DOCK5: variants seen among roughly 807,000 people sequenced by gnomAD.
The protein encoded by DOCK5 is dedicator of cytokinesis 5, also known as dedicator of cytokinesis protein 5.
Under a neutral mutation model 251.8 loss-of-function variants are expected in DOCK5, and 142 were observed. The observed-to-expected ratio is 0.56, with a 90% CI of 0.49 to 0.65. DOCK5 has a LOEUF of 0.65. DOCK5 is among the 30% of genes least tolerant of loss of function. The probability of loss-of-function intolerance (pLI) is 0.00; values close to 1 mark genes in which losing one functional copy is unlikely to be tolerated. For synonymous variants in DOCK5, 842 were observed against 835.5 expected, an observed-to-expected ratio of 1.01 and a Z score of -0.13; for missense variants, 2,111 against 2,312.3, an observed-to-expected ratio of 0.91 and a Z score of 1.79.
chr8:25,407,234 ATT>A (rs1194183514), intron 48 of DOCK5, among the ~76,000 whole-genome samples: 3 of 151,960 alleles, frequency 2.0e-5, no homozygotes, highest in Middle Eastern at 3.2e-3. Context: ...TAGATTCTAG[ATT>A]ACTTCTAGAA....
At chr8:25,393,304 G>A (rs1801292657) in intron 44 of DOCK5, among the ~76,000 whole-genome samples, 2 of 152,120 alleles carry the variant, frequency 1.3e-5, no homozygotes, top group African/African-American at 2.4e-5. Flanking sequence ...TATTTTACCT[G>A]TTTAGTATTG....
At chr8:25,260,156 T>C (rs1038985998) in intron 2 of DOCK5, among the ~76,000 whole-genome samples, 8 of 152,116 alleles carry the variant, frequency 5.3e-5, no homozygotes, top group African/African-American at 1.7e-4. Context: ...AATCAGCTTC[T>C]ATTGGAAGGA....
intron 2 of DOCK5, among the ~76,000 whole-genome samples, chr8:25,258,668 G>T (rs1301887781): frequency 3.9e-5 from 6 of 152,192 alleles, no homozygotes; most frequent in Non-Finnish European, 7.3e-5. Flanking sequence ...TCTTGTGGGT[G>T]CAGGTTTCAT....
In DOCK5 at chr8:25,339,148, G is replaced by C. The variant is rs1017465041; in HGVS notation, c.2328-1729G>C. On this transcript the variant is annotated intron_variant, in intron 22 of 51. Coordinates refer to ENST00000276440, the MANE Select transcript of DOCK5 (RefSeq NM_024940.8). ...TTCAGTGCACTGGCCATGTCTGGAG[G>C]CTGCAGTGGAATGTCACCTGGTCCC... Among the ~76,000 whole-genome samples, 43 of 152,166 alleles carry C rather than the reference G, an allele frequency of 2.8e-4. 1 individual carries two copies. The highest frequency in any genetic ancestry group is 5.1e-4 in the Non-Finnish European group (35 of 68,014).
intron 43 of DOCK5, among the ~76,000 whole-genome samples, chr8:25,392,211 C>T (rs972673136): frequency 1.3e-5 from 2 of 150,380 alleles, no homozygotes; most frequent in East Asian, 2.0e-4. Context: ...GGCTGAGGCA[C>T]GAGAATTGCT....
intron 34 of DOCK5, 138 bp downstream of exon 34, chr8:25,369,779 G>C: frequency 1.5e-6 from 1 of 651,598 alleles, no homozygotes; most frequent in Non-Finnish European, 2.6e-6. Context: ...CTTCAGTATG[G>C]TTATGGGGTG....
chr8:25,203,024 G>A (rs150375008), intron 1 of DOCK5, among the ~76,000 whole-genome samples: 1 of 152,260 alleles, frequency 6.6e-6, no homozygotes, highest in Non-Finnish European at 1.5e-5. Context: ...ATTCATAATG[G>A]CTGCTTTCCT....
intron 3 of DOCK5, among the ~76,000 whole-genome samples, chr8:25,272,219 G>T (rs2117120286): frequency 6.6e-6 from 1 of 152,136 alleles, no homozygotes; most frequent in South Asian, 2.1e-4. Context: ...TGTAGAGACG[G>T]TGTCTCAGTT....
In DOCK5 at chr8:25,411,312, C is replaced by A; in HGVS notation, c.*14C>A. 6.8e-7 allele frequency: 1 copy of A among 1,462,670 alleles called. No individual in the cohort carries two copies. The highest frequency in any genetic ancestry group is 9.0e-7 in the Non-Finnish European group (1 of 1,109,534). The allele number at this position is 1,462,670 out of a possible 1,614,324, so 90.6% of individuals were successfully genotyped here. A position where few individuals can be genotyped will look rare whatever the true frequency, so the allele number is the denominator to read the frequency against. Reference sequence around the variant, plus strand: ...GGATCCCAGTAAGGATCTTGCCCTCCCTGCAACACCGAGTGCCTTAGACAG... The same window carrying A: ...GGATCCCAGTAAGGATCTTGCCCTCACTGCAACACCGAGTGCCTTAGACAG... On this transcript the variant is annotated 3_prime_UTR_variant, in exon 52 of 52. Coordinates refer to ENST00000276440, the MANE Select transcript of DOCK5 (RefSeq NM_024940.8).
At chr8:25,253,954 A>G (rs921223081) in intron 2 of DOCK5, among the ~76,000 whole-genome samples, 14 of 152,238 alleles carry the variant, frequency 9.2e-5, no homozygotes, top group Middle Eastern at 3.2e-3. Context: ...GTTGAAGAAC[A>G]AAGTTGGAGG....
chr8:25,395,601 T>C lies in DOCK5; in HGVS notation c.4586T>C (p.Ile1529Thr). Residue 1529 changes from isoleucine (I) to threonine (T), a missense_variant, in exon 45 of 52, where the codon ATC (isoleucine) becomes ACC (threonine). This residue lies in a region of DOCK5 where 1,717 missense variants were observed against 1,892.4 expected (regional missense o/e 0.91). Transcript: ENST00000276440. ...ACCATGGAGCTGACCAACGAGAGGA[T>C]CAGCAACTGTGTTCAGCAGCATGCC... ...IETMELTNER[I>T]SNCVQQHAWD... 1 of 1,613,276 alleles carries C rather than the reference T, an allele frequency of 6.2e-7. No homozygotes were observed. The highest frequency in any genetic ancestry group is 2.2e-5 in the East Asian group (1 of 44,832).
At chr8:25,207,434 G>A (rs533613642) in intron 1 of DOCK5, among the ~76,000 whole-genome samples, 26 of 152,272 alleles carry the variant, frequency 1.7e-4, no homozygotes, top group East Asian at 7.7e-4. Flanking sequence ...AGTCAGTGAC[G>A]GGCATCAAAG....
chr8:25,389,984 C>T (rs543080826), intron 41 of DOCK5, among the ~76,000 whole-genome samples: 28 of 23,138 alleles, frequency 1.2e-3, no homozygotes, highest in Non-Finnish European at 3.9e-3. Flanking sequence ...GATGTCTGAC[C>T]GAAAAAAAAA....
intron 1 of DOCK5, among the ~76,000 whole-genome samples, chr8:25,222,919 G>A (rs1436903029): frequency 1.3e-5 from 2 of 152,176 alleles, no homozygotes; most frequent in Non-Finnish European, 2.9e-5. Flanking sequence ...GACACCCCAA[G>A]TAATGCCCTT....
intron 45 of DOCK5, among the ~76,000 whole-genome samples, chr8:25,396,059 G>C (rs906055421): frequency 6.6e-6 from 1 of 152,156 alleles, no homozygotes; most frequent in African/African-American, 2.4e-5. Context: ...CATCTCTGGG[G>C]ATGGCAGAGC....
intron 1 of DOCK5, among the ~76,000 whole-genome samples, chr8:25,207,466 G>A (rs1802028060): frequency 6.6e-6 from 1 of 152,220 alleles, no homozygotes; most frequent in South Asian, 2.1e-4. Context: ...CCTCTTGTTA[G>A]GGGCTAATGC....
intron 5 of DOCK5, among the ~76,000 whole-genome samples, chr8:25,281,500 A>T (rs547347648): frequency 4.0e-5 from 6 of 151,682 alleles, no homozygotes; most frequent in Admixed American, 6.6e-5. Context: ...TGGCTGCCAA[A>T]ATCTCTTAGT....
chr8:25,305,901 T>G (rs1804909912), intron 11 of DOCK5, among the ~76,000 whole-genome samples: 1 of 152,170 alleles, frequency 6.6e-6, no homozygotes. Flanking sequence ...ATTTTGCTCC[T>G]GTTTTTGTTT....
Position 25,296,120 on chromosome 8 carries a change from A to G in DOCK5, c.471-393A>G, listed in dbSNP as rs564100176. The stretch of plus-strand genomic sequence containing the variant: ...CAGACGTGAACCACGACGCCTGGCA[A>G]AGGAGGTGTTTATTAAACACAGGTT... On this transcript the variant is annotated intron_variant, in intron 6 of 51. Transcript: ENST00000276440. 9.9e-5 allele frequency among the ~76,000 whole-genome samples: 15 copies of G among 152,252 alleles called. 1 individual carries two copies. The South Asian group carries it at 2.7e-3, about 27-fold the overall frequency.
Sources: allele counts gnomAD v4.1 joint callset (sites outside exome capture counted in the v4.1 genomes callset), GRCh38; gene constraint gnomAD v4.1.1; regional missense constraint gnomAD v4.1.1; transcripts MANE v1.5; gene names NCBI Gene and HGNC (gene_info 2026-07-23, HGNC 2026-07-21).